UBXN2A: variants seen among roughly 807,000 people sequenced by gnomAD.
UBXN2A encodes UBX domain protein 2A, also known as UBX domain-containing protein 2A.
UBXN2A carries 28 observed loss-of-function variants against 28.4 expected under a neutral mutation model. That is an observed-to-expected ratio of 0.99 (90% CI 0.73 to 1.35). UBXN2A has a LOEUF of 1.35. Ranked by LOEUF, UBXN2A falls within the 40% of genes most tolerant of loss-of-function variation. The pLI is 0.00. For synonymous variants in UBXN2A, 97 were observed against 103.6 expected (o/e 0.94, Z 0.39); for missense variants, 253 against 297.9 (o/e 0.85, Z 1.11).
intron 1 of UBXN2A, among the ~76,000 whole-genome samples, chr2:23,955,640 T>C (rs1257298421): frequency 2.0e-5 from 3 of 152,206 alleles, no homozygotes; most frequent in Non-Finnish European, 2.9e-5. Context: ...GTGTAGCATA[T>C]TGCTCCTAGG....
In UBXN2A at chr2:23,942,599, A is replaced by G. The variant is rs757600911; in HGVS notation, c.-15+1951A>G. Among the ~76,000 whole-genome samples, 19 of 150,532 alleles carry G rather than the reference A, an allele frequency of 1.3e-4. 2 individuals carry two copies. The East Asian group carries it at 3.8e-3, about 30-fold the overall frequency. ...ATGCCCGGCTAATTTTTGTATTTTTAGTAGAGATGGAGTTTCACTGTGTTG... is the reference window on the plus strand; with the variant it reads ...ATGCCCGGCTAATTTTTGTATTTTTGGTAGAGATGGAGTTTCACTGTGTTG... On this transcript the variant is annotated intron_variant, in intron 1 of 6. Transcript: ENST00000309033.
chr2:23,991,517 G>A (rs1470061333), intron 6 of UBXN2A, among the ~76,000 whole-genome samples: 3 of 151,924 alleles, frequency 2.0e-5, no homozygotes, highest in Admixed American at 6.6e-5. Flanking sequence ...TGCCTAGGCT[G>A]GAGTGCAGTG....
chr2:23,992,457 TG>T (rs1438676520), intron 6 of UBXN2A, among the ~76,000 whole-genome samples: 1 of 152,234 alleles, frequency 6.6e-6, no homozygotes, highest in Non-Finnish European at 1.5e-5. Flanking sequence ...AGATTCTTCG[TG>T]GCATCTCTGC....
At chr2:23,945,714 A>G (rs1706035120) in intron 1 of UBXN2A, among the ~76,000 whole-genome samples, 2 of 151,934 alleles carry the variant, frequency 1.3e-5, no homozygotes, top group Admixed American at 1.3e-4. Flanking sequence ...TTGTTTTTGC[A>G]TTTTTTCTCC....
chr2:23,991,626 C>T, intron 6 of UBXN2A, among the ~76,000 whole-genome samples: 1 of 151,966 alleles, frequency 6.6e-6, no homozygotes, highest in Non-Finnish European at 1.5e-5. Context: ...CCTATCACCA[C>T]ACCTGGCTAA....
At chr2:23,986,589 CA>C (rs1416666524) in intron 6 of UBXN2A, among the ~76,000 whole-genome samples, 1 of 151,248 alleles carries the variant, frequency 6.6e-6, no homozygotes, top group East Asian at 1.9e-4. Flanking sequence ...TGCATTTTTC[CA>C]GTCTTTTATC....
intron 2 of UBXN2A, among the ~76,000 whole-genome samples, chr2:23,960,628 C>G (rs565189763): frequency 7.9e-5 from 12 of 152,080 alleles, no homozygotes; most frequent in Non-Finnish European, 1.5e-4. Context: ...CCCCTGACAA[C>G]CATGAAACTG....
At chr2:23,954,978 A>G (rs1706548012) in intron 1 of UBXN2A, among the ~76,000 whole-genome samples, 1 of 141,046 alleles carries the variant, frequency 7.1e-6, no homozygotes, top group South Asian at 2.2e-4. Context: ...TTGTCGCCAG[A>G]CTGGAGTGCA....
chr2:23,966,317 T>C (rs1707160212), intron 2 of UBXN2A, among the ~76,000 whole-genome samples: 1 of 152,028 alleles, frequency 6.6e-6, no homozygotes, highest in African/African-American at 2.4e-5. Context: ...TTTGTATTTT[T>C]AGTAGAGACG....
chr2:23,988,122 CAAAAAAAAAAAA>C (rs34140980), intron 6 of UBXN2A, among the ~76,000 whole-genome samples: 1 of 121,048 alleles, frequency 8.3e-6, no homozygotes, highest in African/African-American at 3.1e-5. Flanking sequence ...GGCTCCATCT[CAAAAAAAAAAAA>C]AAAAAGAAAG....
chr2:23,930,574 T>C (rs776198294), intron 1 of UBXN2A, among the ~76,000 whole-genome samples: 1 of 152,144 alleles, frequency 6.6e-6, no homozygotes, highest in Non-Finnish European at 1.5e-5. Flanking sequence ...TTGAAAAAGA[T>C]AAGGCCAAGC....
chr2:23,946,255 C>T (rs1163988361), intron 1 of UBXN2A, among the ~76,000 whole-genome samples: 2 of 152,090 alleles, frequency 1.3e-5, no homozygotes, highest in Non-Finnish European at 2.9e-5. Context: ...CGGGTTCAAG[C>T]GATTCTCCCG....
chr2:23,933,898 C>T (rs1452849044), intron 1 of UBXN2A, among the ~76,000 whole-genome samples: 2 of 152,044 alleles, frequency 1.3e-5, no homozygotes, highest in East Asian at 1.9e-4. Flanking sequence ...TTGAGAAACA[C>T]GAAATCAAGA....
At chr2:23,941,278 A>C (rs1705743975) in intron 1 of UBXN2A, among the ~76,000 whole-genome samples, 1 of 152,354 alleles carries the variant, frequency 6.6e-6, no homozygotes, top group South Asian at 2.1e-4. Flanking sequence ...TTTTGATGCG[A>C]ATGCAGAAAA....
Position 23,980,946 on chromosome 2 carries a change from T to A in UBXN2A, c.288-1950T>A, listed in dbSNP as rs1032938501. ...TCAGCCTGTTTATATTTTCAGGTGG[T>A]TTATTTGCCTTTTTGTTAAGTTGTA... On this transcript the variant is annotated intron_variant, in intron 4 of 6. Coordinates refer to ENST00000309033, the MANE Select transcript of UBXN2A (RefSeq NM_181713.4). 3.9e-5 allele frequency among the ~76,000 whole-genome samples: 6 copies of A among 152,044 alleles called. No homozygotes were observed. In the South Asian group the frequency reaches 1.0e-3, roughly 26 times the overall value.
intron 1 of UBXN2A, among the ~76,000 whole-genome samples, chr2:23,955,174 G>A (rs568768569): frequency 2.0e-5 from 3 of 151,876 alleles, no homozygotes; most frequent in East Asian, 1.9e-4. Flanking sequence ...CTTGTGATTC[G>A]CCCACCTCGG....
chr2:23,947,754 A>G (rs1035525196), intron 1 of UBXN2A, among the ~76,000 whole-genome samples: 2 of 152,220 alleles, frequency 1.3e-5, no homozygotes, highest in Non-Finnish European at 2.9e-5. Context: ...TTGTGCTACT[A>G]GAAACTGTCA....
chr2:23,947,390 T>A (rs1016481079), intron 1 of UBXN2A, among the ~76,000 whole-genome samples: 3 of 152,214 alleles, frequency 2.0e-5, no homozygotes, highest in African/African-American at 7.2e-5. Context: ...TGGTGATAGT[T>A]GGAAGTAGAC....
At chr2:23,959,236 A>G (rs1274799347) in intron 2 of UBXN2A, among the ~76,000 whole-genome samples, 1 of 152,210 alleles carries the variant, frequency 6.6e-6, no homozygotes, top group Non-Finnish European at 1.5e-5. Flanking sequence ...TCACGCCTGT[A>G]ATCTCAGCAC....
Sources: allele counts gnomAD v4.1 joint callset (sites outside exome capture counted in the v4.1 genomes callset), GRCh38; gene constraint gnomAD v4.1.1; transcripts MANE v1.5; gene names NCBI Gene and HGNC (gene_info 2026-07-23, HGNC 2026-07-21).